ANKRD46: variants seen among roughly 807,000 people sequenced by gnomAD.
ANKRD46 encodes the protein ankyrin repeat domain-containing protein 46.
ANKRD46 carries 13 observed loss-of-function variants against 19.8 expected under a neutral mutation model. The observed-to-expected ratio is 0.66, with a 90% CI of 0.43 to 1.04. The LOEUF (loss-of-function observed/expected upper bound fraction) is 1.04, where lower values mean the gene tolerates loss of function less well. ANKRD46 is among the 50% of genes least tolerant of loss of function. ANKRD46 has a pLI of 0.00. For synonymous variants in ANKRD46, 91 were observed against 106.9 expected (o/e 0.85, Z 0.92); for missense variants, 185 against 274.8 (o/e 0.67, Z 2.31).
In ANKRD46 at chr8:100,529,438, A is replaced by G; in HGVS notation, c.311+85T>C. On this transcript the variant is annotated intron_variant, in intron 3 of 4. Coordinates refer to ENST00000335659, the MANE Select transcript of ANKRD46 (RefSeq NM_001270377.2). The surrounding 1 kb of genome is among the most constrained non-coding windows in gnomAD (Gnocchi z 5.8). ...TATTTCAACTGATTAATGAGGAAAC[A>G]AAACCAACAGACCCAAGATAAGATT... 7.2e-7 allele frequency: 1 copy of G among 1,397,578 alleles called. No homozygotes were observed. The highest frequency in any genetic ancestry group is 9.7e-7 in the Non-Finnish European group (1 of 1,032,982). The allele number at this position is 1,397,578 out of a possible 1,614,324, so 86.6% of individuals were successfully genotyped here.
chr8:100,542,256 T>A (rs1488800085), intron 1 of ANKRD46, among the ~76,000 whole-genome samples: 1 of 152,132 alleles, frequency 6.6e-6, no homozygotes, highest in East Asian at 1.9e-4. Context: ...TCTTTACGTA[T>A]CCTTATTACA....
intron 1 of ANKRD46, among the ~76,000 whole-genome samples, chr8:100,539,212 A>G (rs1196531022): frequency 6.6e-6 from 1 of 152,218 alleles, no homozygotes. Flanking sequence ...GGAAAATTGT[A>G]TTAGAAGGGC....
downstream of ANKRD46, among the ~76,000 whole-genome samples, chr8:100,520,123 G>A (rs1315488133): frequency 6.6e-6 from 1 of 152,130 alleles, no homozygotes; most frequent in Non-Finnish European, 1.5e-5. Context: ...AGGAGGGGTT[G>A]GGAAGGAGGC....
intron 1 of ANKRD46, among the ~76,000 whole-genome samples, chr8:100,540,699 C>T (rs1367251697): frequency 6.6e-6 from 1 of 152,118 alleles, no homozygotes; most frequent in Non-Finnish European, 1.5e-5. Flanking sequence ...AGTTACAATT[C>T]AACTTTTAGA....
At position 100,527,277 on chromosome 8, in the gene ANKRD46, T is replaced by G. The variant is rs1411098085; in HGVS notation, c.470+568A>C. On this transcript the variant is annotated intron_variant, in intron 4 of 4. Coordinates refer to ENST00000335659, the MANE Select transcript of ANKRD46 (RefSeq NM_001270377.2). The surrounding 1 kb of genome is among the most constrained non-coding windows in gnomAD (Gnocchi z 4.0). Reference sequence around the variant, plus strand: ...CACTTTCACTTTCACATTACTGAACTGTGCATGTGTTAAATACTATCTTGC... The same window carrying G: ...CACTTTCACTTTCACATTACTGAACGGTGCATGTGTTAAATACTATCTTGC... 6.6e-6 allele frequency among the ~76,000 whole-genome samples: 1 copy of G among 152,258 alleles called. No individual in the cohort carries two copies. The highest frequency in any genetic ancestry group is 1.5e-5 in the Non-Finnish European group (1 of 68,044).
rs112670071 is a variant in ANKRD46, at chr8:100,511,436, TTG to T, written c.637-799_637-798del. Among the ~76,000 whole-genome samples, 2,527 of 147,354 alleles carry T rather than the reference TTG, an allele frequency of 0.017. 73 individuals carry two copies. Among genetic ancestry groups the T allele is most frequent in the African/African-American group, 0.055 (2,217 of 40,468 alleles). ...GGTAAATGGTGAGGTAGACACCAAGTTGTGTGTGTGTGTGTGTGTGTGTGTCC... is the reference window on the plus strand; with the variant it reads ...GGTAAATGGTGAGGTAGACACCAAGTTGTGTGTGTGTGTGTGTGTGTGTCC... On this transcript the variant is annotated intron_variant, in intron 5 of 5. Transcript: ENST00000520552. This position sits in a 1 kb window ranked among gnomAD's most constrained non-coding sequence, Gnocchi z 4.1.
chr8:100,546,149 C>T lies in ANKRD46; in HGVS notation c.-130-12838G>A, dbSNP rs1342629136. Among the ~76,000 whole-genome samples, 3 of 152,182 alleles carry T rather than the reference C, an allele frequency of 2.0e-5. No homozygotes were observed. The highest frequency in any genetic ancestry group is 4.4e-5 in the Non-Finnish European group (3 of 68,020). The stretch of plus-strand genomic sequence containing the variant: ...TTTTCTGGGGAGAAACTCAAGCATG[C>T]TACAGAAATTTGCCTAAATAACAAG... On this transcript the variant is annotated intron_variant, in intron 1 of 4. Coordinates refer to ENST00000335659, the MANE Select transcript of ANKRD46 (RefSeq NM_001270377.2). The surrounding 1 kb of genome is among the most constrained non-coding windows in gnomAD (Gnocchi z 4.0).
At position 100,521,997 on chromosome 8, in the gene ANKRD46, G is replaced by T. The variant is rs1811733331; in HGVS notation, c.*558C>A. 1.0e-6 allele frequency: 1 copy of T among 984,302 alleles called. No individual in the cohort carries two copies. The highest frequency in any genetic ancestry group is 1.1e-4 in the East Asian group (1 of 8,812). The allele number at this position is 984,302 out of a possible 1,614,324, so 61.0% of individuals were successfully genotyped here. A position where few individuals can be genotyped will look rare whatever the true frequency, so the allele number is the denominator to read the frequency against. On this transcript the variant is annotated 3_prime_UTR_variant, in exon 5 of 5. Transcript: ENST00000335659. ...TAGCTCATTTTCAAAAGTTTTGTTT[G>T]GTTTGTGACTAGACTTAAAAATACT...
rs1040997285 is a variant in ANKRD46 at position 100,510,412 on chromosome 8, G to A, written c.*165C>T. 3.5e-6 allele frequency: 2 copies of A among 571,738 alleles called. No individual in the cohort carries two copies. The highest frequency in any genetic ancestry group is 3.2e-5 in the Admixed American group (1 of 31,448). The allele number at this position is 571,738 out of a possible 1,614,324, so 35.4% of individuals were successfully genotyped here. A position where few individuals can be genotyped will look rare whatever the true frequency, so the allele number is the denominator to read the frequency against. ...TGCAGGGCAGGACTGGAGAGGAGGG[G>A]ACAGGTGGTAGCAGGTCCCTCTGCC... On this transcript the variant is annotated 3_prime_UTR_variant, in exon 6 of 6. Transcript: ENST00000520552. This position sits in a 1 kb window ranked among gnomAD's most constrained non-coding sequence, Gnocchi z 4.9.
Position 100,511,941 on chromosome 8 carries a change from C to A in ANKRD46, c.637-1302G>T, listed in dbSNP as rs940303683. Among the ~76,000 whole-genome samples, 15 of 152,212 alleles carry A rather than the reference C, an allele frequency of 9.9e-5. No homozygotes were observed. Among genetic ancestry groups the A allele is most frequent in the African/African-American group, 3.6e-4 (15 of 41,432 alleles). On this transcript the variant is annotated intron_variant, in intron 5 of 5. Transcript: ENST00000520552. This position sits in a 1 kb window ranked among gnomAD's most constrained non-coding sequence, Gnocchi z 4.1. ...TCGGGAAGCTGAGTCAGAAGAATTG[C>A]TTGAACCCAGGTGGCGGAGGCTGCG...
At chr8:100,540,373 G>T (rs1432873635) in intron 1 of ANKRD46, among the ~76,000 whole-genome samples, 1 of 152,176 alleles carries the variant, frequency 6.6e-6, no homozygotes, top group Non-Finnish European at 1.5e-5. Flanking sequence ...ACAATACCTG[G>T]AAATGTCTTT....
intron 1 of ANKRD46, chr8:100,556,447 A>G (rs1169885013): frequency 1.3e-5 from 2 of 152,216 alleles, no homozygotes; most frequent in Admixed American, 6.5e-5. Context: ...TCCACCAGTC[A>G]TTGATTAAAA....
chr8:100,548,846 G>A (rs952610709), intron 1 of ANKRD46, among the ~76,000 whole-genome samples: 5 of 152,092 alleles, frequency 3.3e-5, no homozygotes, highest in Non-Finnish European at 1.5e-5. Context: ...ATCAAATCAC[G>A]TTCATATGAC....
chr8:100,527,811 T>C lies in ANKRD46; in HGVS notation c.470+34A>G, dbSNP rs369355781. On this transcript the variant is annotated intron_variant, in intron 4 of 4. Coordinates refer to ENST00000335659, the MANE Select transcript of ANKRD46 (RefSeq NM_001270377.2). The surrounding 1 kb of genome is among the most constrained non-coding windows in gnomAD (Gnocchi z 4.0). ...GCCCAGGAGTTCAAGGAATGAGTAATACAGTGAGAAAAAAAAAGTTGTATC... is the reference window on the plus strand; with the variant it reads ...GCCCAGGAGTTCAAGGAATGAGTAACACAGTGAGAAAAAAAAAGTTGTATC... The C allele has an allele frequency of 2.4e-5, 39 of 1,602,118 alleles. No individual in the cohort carries two copies. The African/African-American group carries it at 4.8e-4, about 20-fold the overall frequency.
intron 1 of ANKRD46, among the ~76,000 whole-genome samples, chr8:100,553,860 A>G (rs969309700): frequency 6.6e-6 from 1 of 152,258 alleles, no homozygotes; most frequent in Non-Finnish European, 1.5e-5. Flanking sequence ...TACTTTAAAA[A>G]ATAAAATACA....
chr8:100,544,655 C>A lies in ANKRD46; in HGVS notation c.-130-11344G>T, dbSNP rs915660211. Among the ~76,000 whole-genome samples, 2 of 152,202 alleles carry A rather than the reference C, an allele frequency of 1.3e-5. No individual in the cohort carries two copies. The highest frequency in any genetic ancestry group is 1.3e-4 in the Admixed American group (2 of 15,278). ...ACTCGGCCATTTTCTAAGGCACTAT[C>A]TTGAGTAGTCCAACTCTAAGAGTCC... is the stretch of plus-strand genomic sequence containing the variant. On this transcript the variant is annotated intron_variant, in intron 1 of 4. Coordinates refer to ENST00000335659, the MANE Select transcript of ANKRD46 (RefSeq NM_001270377.2). This position sits in a 1 kb window ranked among gnomAD's most constrained non-coding sequence, Gnocchi z 4.4.
intron 2 of ANKRD46, among the ~76,000 whole-genome samples, chr8:100,530,668 A>G (rs1251313915): frequency 6.6e-6 from 1 of 152,208 alleles, no homozygotes; most frequent in Non-Finnish European, 1.5e-5. Context: ...TACAGGCGTG[A>G]GCCACCGCGC....
In ANKRD46 at chr8:100,557,458, C is replaced by G. The variant is rs1254871277; in HGVS notation, c.-131+2253G>C. On this transcript the variant is annotated intron_variant, in intron 1 of 4. Coordinates refer to ENST00000335659, the MANE Select transcript of ANKRD46 (RefSeq NM_001270377.2). The surrounding 1 kb of genome is among the most constrained non-coding windows in gnomAD (Gnocchi z 5.9). ...TTCTCTCTGGCTTCAATTACTGCAT[C>G]AACCTAACAGGTCTCCCTGCTTCCA... 3.3e-5 allele frequency among the ~76,000 whole-genome samples: 5 copies of G among 152,234 alleles called. No homozygotes were observed. The highest frequency in any genetic ancestry group is 5.9e-5 in the Non-Finnish European group (4 of 68,040).
downstream of ANKRD46, among the ~76,000 whole-genome samples, chr8:100,519,665 C>T (rs891125507): frequency 1.3e-5 from 2 of 152,172 alleles, no homozygotes; most frequent in African/African-American, 4.8e-5. Flanking sequence ...GCAGCAGTGG[C>T]AGGTGAATAT....
Sources: allele counts gnomAD v4.1 joint callset (sites outside exome capture counted in the v4.1 genomes callset), GRCh38; gene constraint gnomAD v4.1.1; non-coding constraint Gnocchi (gnomAD v3.1); transcripts MANE v1.5; gene names NCBI Gene and HGNC (gene_info 2026-07-23, HGNC 2026-07-21).